SPATA13: variants seen among roughly 807,000 people sequenced by gnomAD.
The protein encoded by SPATA13 is spermatogenesis associated 13.
Under a neutral mutation model 104.0 loss-of-function variants are expected in SPATA13, and 50 were observed. The observed-to-expected ratio is 0.48, with a 90% CI of 0.38 to 0.61. The LOEUF is 0.61. Among genes scored for constraint, SPATA13 ranks in the 20% least tolerant of loss-of-function variants. The pLI is 0.00. For synonymous variants in SPATA13, 606 were observed against 667.5 expected (o/e 0.91, Z 1.42); for missense variants, 1,524 against 1,690.6 (o/e 0.90, Z 1.73).
intron 1 of SPATA13, among the ~76,000 whole-genome samples, chr13:24,196,504 G>T (rs1870063859): frequency 6.6e-6 from 1 of 152,038 alleles, no homozygotes; most frequent in Admixed American, 6.6e-5. Flanking sequence ...TTCATTCCTG[G>T]TGGGAAGATC....
At chr13:24,274,146 G>A (rs1593484113) in intron 4 of SPATA13, among the ~76,000 whole-genome samples, 3 of 152,156 alleles carry the variant, frequency 2.0e-5, no homozygotes, top group Non-Finnish European at 2.9e-5. Context: ...TAACGCAGAG[G>A]TTTCCAGCCA....
At chr13:24,055,141 G>A (rs1878494852) in intron 3 of SPATA13, among the ~76,000 whole-genome samples, 1 of 152,216 alleles carries the variant, frequency 6.6e-6, no homozygotes, top group African/African-American at 2.4e-5. Context: ...AGAGCGATCA[G>A]CCTGCAATTC....
At chr13:23,991,104 C>T (rs761539715) in intron 2 of SPATA13, among the ~76,000 whole-genome samples, 1 of 152,298 alleles carries the variant, frequency 6.6e-6, no homozygotes, top group African/African-American at 2.4e-5. Context: ...CCAGGCAGGG[C>T]GGCAGCTCCC....
intron 12 of SPATA13, 105 bp from the exon 13 acceptor site, chr13:24,302,491 AAT>A: frequency 2.2e-6 from 1 of 460,676 alleles, no homozygotes; most frequent in Non-Finnish European, 3.8e-6. Context: ...AAAAAAAAAG[AAT>A]TAGCTGAGAA....
rs74717288 is a variant in SPATA13, at chr13:24,288,233, G to A, written c.2668-766G>A. 4.9e-3 allele frequency among the ~76,000 whole-genome samples: 748 copies of A among 152,338 alleles called. 7 individuals are homozygous for A. The highest frequency in any genetic ancestry group is 0.017 in the African/African-American group (719 of 41,568). ...GGAAACAAAGGCACAGAGAAGTTAA[G>A]TGGTGGGATTGGATTTAAACCCAGG... On this transcript the variant is annotated intron_variant, in intron 7 of 12. Coordinates refer to ENST00000382108, the MANE Select transcript of SPATA13 (RefSeq NM_001166271.3).
intron 1 of SPATA13, among the ~76,000 whole-genome samples, chr13:24,171,578 C>T (rs777553015): frequency 2.6e-5 from 4 of 152,234 alleles, no homozygotes; most frequent in Non-Finnish European, 5.9e-5. Context: ...GAGGTGGCCA[C>T]GTGTGCTTGC....
At position 24,239,567 on chromosome 13, in the gene SPATA13, C is replaced by T. The variant is rs915516005; in HGVS notation, c.1654-9910C>T. ...CAAATTAGCCAGGCGTGGTGGTGTG[C>T]ACCTCTAGTCCCAGCTACTTGGGAG... is the stretch of plus-strand genomic sequence containing the variant. On this transcript the variant is annotated intron_variant, in intron 2 of 12. Coordinates refer to ENST00000382108, the MANE Select transcript of SPATA13 (RefSeq NM_001166271.3). Among the ~76,000 whole-genome samples the T allele has an allele frequency of 2.0e-5, 3 of 150,848 alleles. No individual in the cohort carries two copies. In the East Asian group the frequency reaches 5.8e-4, roughly 29 times the overall value.
intron 3 of SPATA13, among the ~76,000 whole-genome samples, chr13:24,138,465 C>CT (rs1172112733): frequency 6.6e-6 from 1 of 152,160 alleles, no homozygotes; most frequent in Non-Finnish European, 1.5e-5. Flanking sequence ...ATTTTTGCTA[C>CT]TTTAATAAAG....
intron 3 of SPATA13, among the ~76,000 whole-genome samples, chr13:24,057,407 T>G (rs911535687): frequency 6.6e-6 from 1 of 152,106 alleles, no homozygotes; most frequent in African/African-American, 2.4e-5. Flanking sequence ...TCACTTCTAG[T>G]GAGGTGGTTT....
chr13:24,088,365 T>C lies in SPATA13; in HGVS notation c.-112+70664T>C, dbSNP rs1879801992. ...GATTAGAACATAAACCCAGCTGACTTCAAGTTCTGAACCCTGCACTCCATG... is the reference window on the plus strand; with the variant it reads ...GATTAGAACATAAACCCAGCTGACTCCAAGTTCTGAACCCTGCACTCCATG... On this transcript the variant is annotated intron_variant, in intron 3 of 14. Coordinates refer to the SPATA13 transcript ENST00000424834. This position sits in a 1 kb window ranked among gnomAD's most constrained non-coding sequence, Gnocchi z 4.3. 6.6e-6 allele frequency among the ~76,000 whole-genome samples: 1 copy of C among 152,164 alleles called. No individual in the cohort carries two copies.
intron 2 of SPATA13, among the ~76,000 whole-genome samples, chr13:24,241,291 C>G (rs1317695401): frequency 2.6e-5 from 4 of 152,228 alleles, no homozygotes; most frequent in Non-Finnish European, 5.9e-5. Context: ...GGCCCAGGCC[C>G]TGTCCTAAGA....
At chr13:24,235,293 C>T (rs376576960) in intron 2 of SPATA13, among the ~76,000 whole-genome samples, 9 of 152,198 alleles carry the variant, frequency 5.9e-5, no homozygotes, top group African/African-American at 1.4e-4. Flanking sequence ...GCAATCAACT[C>T]GGGAAAATGA....
intron 3 of SPATA13, among the ~76,000 whole-genome samples, chr13:24,020,547 A>G (rs1428317439): frequency 1.3e-5 from 2 of 152,220 alleles, no homozygotes; most frequent in Admixed American, 1.3e-4. Context: ...ATTGTATTTA[A>G]CCTTTAACAG....
At position 24,029,676 on chromosome 13, in the gene SPATA13, A is replaced by G. The variant is rs780120398; in HGVS notation, c.-112+11975A>G. ...ACAAGTGCAGCTTTGTTAAATACAC[A>G]CACTTGTGTCATGGGGGTTTGTTGT... On this transcript the variant is annotated intron_variant, in intron 3 of 14. Coordinates refer to the SPATA13 transcript ENST00000424834. Among the ~76,000 whole-genome samples, 87 of 152,220 alleles carry G rather than the reference A, an allele frequency of 5.7e-4. 1 individual carries two copies. Among genetic ancestry groups the G allele is most frequent in the Middle Eastern group, 3.4e-3 (1 of 294 alleles).
chr13:24,249,419 T>C, intron 2 of SPATA13, 58 bp from the exon 3 acceptor site: 1 of 1,453,966 alleles, frequency 6.9e-7, no homozygotes. Flanking sequence ...GTATGGCTTG[T>C]TCTTTCTTTA....
chr13:23,998,928 G>A lies in SPATA13; in HGVS notation c.-147+14995G>A, dbSNP rs2248122. 1.7e-3 allele frequency among the ~76,000 whole-genome samples: 254 copies of A among 147,310 alleles called. 3 individuals are homozygous for A. Among genetic ancestry groups the A allele is most frequent in the African/African-American group, 3.9e-3 (156 of 40,074 alleles). On this transcript the variant is annotated intron_variant, in intron 2 of 14. Transcript: ENST00000424834. ...ATTTTCCATCTTTTCACTAACTTTG[G>A]TTTTTTTTTTTTTTTGAGATGGAGT... is the stretch of plus-strand genomic sequence containing the variant.
Position 24,222,838 on chromosome 13 carries a change from C to A in SPATA13, c.-92C>A. 6.6e-7 allele frequency: 1 copy of A among 1,524,272 alleles called. No homozygotes were observed. The highest frequency in any genetic ancestry group is 8.8e-7 in the Non-Finnish European group (1 of 1,130,284). The allele number at this position is 1,524,272 out of a possible 1,614,324, so 94.4% of individuals were successfully genotyped here. ...CTGCAGCCCGTGGCCACCCAGGAGCCCGATGTGCAAGGCAGGTGTGAGTGC... is the reference window on the plus strand; with the variant it reads ...CTGCAGCCCGTGGCCACCCAGGAGCACGATGTGCAAGGCAGGTGTGAGTGC... On this transcript the variant is annotated 5_prime_UTR_variant, in exon 2 of 13. Coordinates refer to ENST00000382108, the MANE Select transcript of SPATA13 (RefSeq NM_001166271.3).
intron 3 of SPATA13, among the ~76,000 whole-genome samples, chr13:24,138,814 A>G (rs1290683425): frequency 6.7e-6 from 1 of 149,358 alleles, no homozygotes; most frequent in Non-Finnish European, 1.5e-5. Flanking sequence ...CTGGCCTCAA[A>G]CTGCTGGGTT....
At chr13:24,036,790 C>T (rs1877699912) in intron 3 of SPATA13, among the ~76,000 whole-genome samples, 1 of 151,968 alleles carries the variant, frequency 6.6e-6, no homozygotes, top group African/African-American at 2.4e-5. Flanking sequence ...CTCATTTGGC[C>T]CTTAGTAAAT....
Sources: allele counts gnomAD v4.1 joint callset (sites outside exome capture counted in the v4.1 genomes callset), GRCh38; gene constraint gnomAD v4.1.1; non-coding constraint Gnocchi (gnomAD v3.1); transcripts MANE v1.5; gene names NCBI Gene and HGNC (gene_info 2026-07-23, HGNC 2026-07-21).